RARB: variants seen among roughly 807,000 people sequenced by gnomAD.
The protein encoded by RARB is retinoic acid receptor beta.
In RARB, 17 loss-of-function variants were observed where a neutral mutation model predicts 51.9. The observed-to-expected ratio is 0.33, with a 90% confidence interval of 0.22 to 0.49. RARB has a LOEUF of 0.49. Ranked by LOEUF, RARB falls within the 20% of genes least tolerant of loss-of-function variation. The pLI is 0.99. For missense variants in RARB, 369 were observed against 550.8 expected, an observed-to-expected ratio of 0.67 and a Z score of 3.30; for synonymous variants, 215 against 195.4, an observed-to-expected ratio of 1.10 and a Z score of -0.84.
At chr3:25,569,660 A>C (rs1700632370) in intron 3 of RARB, 98 bp from the exon 4 acceptor site, 2 of 1,367,510 alleles carry the variant, frequency 1.5e-6, no homozygotes, top group African/African-American at 1.5e-5. Flanking sequence ...CCAAATATCA[A>C]ATGAGCTTAA....
intron 2 of RARB, among the ~76,000 whole-genome samples, chr3:25,468,962 G>T (rs574086592): frequency 9.2e-5 from 14 of 152,234 alleles, no homozygotes; most frequent in Non-Finnish European, 1.8e-4. Flanking sequence ...CCGTGATGGC[G>T]TGTCTTCTCC....
chr3:24,997,812 A>G (rs185162443), intron 2 of RARB, among the ~76,000 whole-genome samples: 273 of 152,272 alleles, frequency 1.8e-3, no homozygotes, highest in African/African-American at 6.3e-3. Context: ...AAAAATGTAG[A>G]TTTTCTAAAT....
intron 1 of RARB, among the ~76,000 whole-genome samples, chr3:24,837,160 G>A (rs2125328565): frequency 6.6e-6 from 1 of 152,302 alleles, no homozygotes; most frequent in South Asian, 2.1e-4. Flanking sequence ...AGTTAGCCAA[G>A]TAATATCCAA....
chr3:25,586,022 T>G (rs550574626), intron 5 of RARB, among the ~76,000 whole-genome samples: 61 of 152,220 alleles, frequency 4.0e-4, no homozygotes, highest in African/African-American at 1.4e-3. Flanking sequence ...CAGGCGGGGT[T>G]GAAGAGCTTG....
At chr3:25,441,811 A>C (rs993453318) in intron 1 of RARB, among the ~76,000 whole-genome samples, 2 of 152,168 alleles carry the variant, frequency 1.3e-5, no homozygotes. Flanking sequence ...TCTTCTCACT[A>C]AACTGAGAGT....
intron 5 of RARB, among the ~76,000 whole-genome samples, chr3:25,323,113 C>T (rs537194284): frequency 1.3e-5 from 2 of 152,262 alleles, no homozygotes; most frequent in East Asian, 1.9e-4. Flanking sequence ...TGGCCTCTCT[C>T]CAACAGAATA....
chr3:25,027,636 G>T (rs1697777762), intron 2 of RARB, among the ~76,000 whole-genome samples: 1 of 151,816 alleles, frequency 6.6e-6, no homozygotes, highest in Non-Finnish European at 1.5e-5. Context: ...CCACAATTCT[G>T]TTGACACTAA....
chr3:25,142,360 C>G (rs1432249434), intron 4 of RARB, among the ~76,000 whole-genome samples: 1 of 151,932 alleles, frequency 6.6e-6, no homozygotes, highest in Non-Finnish European at 1.5e-5. Flanking sequence ...AAAAAAAAAT[C>G]TTGAGATGCA....
At chr3:24,926,254 G>A (rs1166249646) in intron 2 of RARB, among the ~76,000 whole-genome samples, 1 of 152,086 alleles carries the variant, frequency 6.6e-6, no homozygotes, top group African/African-American at 2.4e-5. Context: ...ATAATAGTAA[G>A]GTTGAGATAA....
intron 5 of RARB, among the ~76,000 whole-genome samples, chr3:25,191,927 G>A (rs1278293069): frequency 6.6e-6 from 1 of 152,106 alleles, no homozygotes. Context: ...GCAGGCAGAC[G>A]AGGCGGGGGT....
chr3:24,891,927 A>C (rs544005497), intron 2 of RARB, among the ~76,000 whole-genome samples: 3 of 152,238 alleles, frequency 2.0e-5, no homozygotes, highest in Admixed American at 1.3e-4. Context: ...AGCTGCACCC[A>C]CAGAAGTAGA....
chr3:25,027,683 A>T (rs1015410127), intron 2 of RARB, among the ~76,000 whole-genome samples: 7 of 86,138 alleles, frequency 8.1e-5, no homozygotes, highest in Non-Finnish European at 1.5e-4. Flanking sequence ...GATTTCTATC[A>T]AAATGCTTTT....
chr3:25,516,266 T>C (rs1698155291), intron 3 of RARB, among the ~76,000 whole-genome samples: 1 of 152,192 alleles, frequency 6.6e-6, no homozygotes. Flanking sequence ...ACCCATCAGA[T>C]AATAAACAGC....
chr3:25,595,443 G>T (rs1353542511), intron 7 of RARB, among the ~76,000 whole-genome samples: 3 of 152,154 alleles, frequency 2.0e-5, no homozygotes, highest in African/African-American at 7.2e-5. Flanking sequence ...CCTTCTAAGA[G>T]GTCTCCTAGA....
chr3:24,932,854 T>C (rs1695470078), intron 2 of RARB, among the ~76,000 whole-genome samples: 1 of 151,972 alleles, frequency 6.6e-6, no homozygotes, highest in South Asian at 2.1e-4. Flanking sequence ...GGTGCTAATC[T>C]CTGTTCTATT....
At chr3:25,002,607 GAA>G (rs2125275690) in intron 2 of RARB, among the ~76,000 whole-genome samples, 1 of 152,190 alleles carries the variant, frequency 6.6e-6, no homozygotes, top group East Asian at 1.9e-4. Context: ...TTAAGAACCA[GAA>G]AGTCACTTAA....
chr3:25,330,061 G>A lies in RARB; in HGVS notation c.179-131132G>A, dbSNP rs572265869. 2.0e-5 allele frequency among the ~76,000 whole-genome samples: 3 copies of A among 152,136 alleles called. No individual in the cohort carries two copies. In the South Asian group the frequency reaches 6.3e-4, roughly 32 times the overall value. ...TGATTGGTGTACCTGAAAGTGACGG[G>A]GACAATGGAACCAAGTTGGAAAACA... On this transcript the variant is annotated intron_variant, in intron 5 of 11. Transcript: ENST00000383772.
chr3:25,512,113 A>C (rs1697924812), intron 3 of RARB, among the ~76,000 whole-genome samples: 1 of 152,168 alleles, frequency 6.6e-6, no homozygotes, highest in African/African-American at 2.4e-5. Context: ...TGTGAGAAGG[A>C]AATGAATTAA....
intron 1 of RARB, among the ~76,000 whole-genome samples, chr3:24,844,630 T>C (rs1702464003): frequency 6.6e-6 from 1 of 152,210 alleles, no homozygotes; most frequent in Non-Finnish European, 1.5e-5. Context: ...ATTTGGGAAA[T>C]GAATTGTACT....
Sources: gnomAD v4.1 joint callset for allele counts (sites outside exome capture counted in the v4.1 genomes callset) on GRCh38, gnomAD v4.1.1 for gene constraint, MANE v1.5 for transcripts, NCBI Gene and HGNC (gene_info 2026-07-23, HGNC 2026-07-21) for gene names.